Variants in CCDC192 observed in about 807,000 individuals in gnomAD.
CCDC192 encodes the protein coiled-coil domain containing 192, also known as coiled-coil domain-containing protein 192.
chr5:127,732,651 T>C (rs1752707538), intron 2 of CCDC192, among the ~76,000 whole-genome samples: 1 of 152,130 alleles, frequency 6.6e-6, no homozygotes, highest in African/African-American at 2.4e-5. Context: ...CACCATGGAG[T>C]ACTATGCAGT....
At position 127,892,921 on chromosome 5, in the gene CCDC192, G is replaced by C. The variant is rs949405818; in HGVS notation, c.535+17260G>C. On this transcript the variant is annotated intron_variant, in intron 6 of 6. Coordinates refer to ENST00000514853, the MANE Select transcript of CCDC192 (RefSeq NM_001317938.2). ...CATTGTCTCGAGTGACACAGAATTG[G>C]CAGTAATCCAAATACCGCAAGAGAC... 3.3e-5 allele frequency among the ~76,000 whole-genome samples: 5 copies of C among 152,114 alleles called. No homozygotes were observed. The South Asian group carries it at 1.0e-3, about 32-fold the overall frequency.
chr5:127,808,465 A>G (rs1053669686), intron 5 of CCDC192, among the ~76,000 whole-genome samples: 2 of 152,124 alleles, frequency 1.3e-5, no homozygotes, highest in African/African-American at 4.8e-5. Context: ...CTGTGGATTC[A>G]GTTACATAAT....
At chr5:127,781,543 C>A (rs2126933713) in intron 3 of CCDC192, among the ~76,000 whole-genome samples, 1 of 148,840 alleles carries the variant, frequency 6.7e-6, no homozygotes, top group Admixed American at 6.7e-5. Context: ...GCACGTCTTT[C>A]ACCTCCTTGG....
intron 5 of CCDC192, among the ~76,000 whole-genome samples, chr5:127,864,277 C>G (rs749631933): frequency 4.6e-5 from 7 of 152,212 alleles, no homozygotes; most frequent in Non-Finnish European, 8.8e-5. Context: ...TTTACATTCT[C>G]AGACTCTGGG....
intron 3 of CCDC192, among the ~76,000 whole-genome samples, chr5:127,779,532 T>C (rs980183937): frequency 1.3e-5 from 2 of 152,042 alleles, no homozygotes; most frequent in Admixed American, 6.6e-5. Flanking sequence ...CCTGACCCTG[T>C]GATCCACCCG....
intron 5 of CCDC192, among the ~76,000 whole-genome samples, chr5:127,801,751 T>C (rs1273184664): frequency 6.6e-6 from 1 of 152,178 alleles, no homozygotes; most frequent in African/African-American, 2.4e-5. Context: ...GTAAACATTG[T>C]AGACAAATTA....
chr5:127,918,884 T>G (rs1753608376), intron 6 of CCDC192, among the ~76,000 whole-genome samples: 1 of 152,098 alleles, frequency 6.6e-6, no homozygotes, highest in African/African-American at 2.4e-5. Context: ...TGTGTACATG[T>G]GCATGCATGT....
intron 6 of CCDC192, among the ~76,000 whole-genome samples, chr5:127,918,230 A>AAG (rs1460907956): frequency 1.3e-5 from 2 of 151,802 alleles, no homozygotes; most frequent in Admixed American, 1.3e-4. Flanking sequence ...AAAAAAAAAA[A>AAG]AAAAAGTAGT....
intron 6 of CCDC192, among the ~76,000 whole-genome samples, chr5:127,877,401 A>G (rs1289868049): frequency 6.6e-6 from 1 of 152,038 alleles, no homozygotes; most frequent in African/African-American, 2.4e-5. Context: ...GTATTTATGA[A>G]CAGATGCAAA....
chr5:127,834,611 G>A (rs1269522433), intron 5 of CCDC192, among the ~76,000 whole-genome samples: 1 of 152,162 alleles, frequency 6.6e-6, no homozygotes, highest in Non-Finnish European at 1.5e-5. Flanking sequence ...TTGCAGGCAA[G>A]AATTTCAAGT....
intron 3 of CCDC192, chr5:127,786,469 G>A (rs1756543229): frequency 3.2e-6 from 2 of 628,532 alleles, no homozygotes; most frequent in Admixed American, 4.9e-5. Context: ...TTGTATTGAT[G>A]GTTTCACCAT....
At chr5:127,849,975 A>G (rs1750724682) in intron 5 of CCDC192, among the ~76,000 whole-genome samples, 2 of 152,226 alleles carry the variant, frequency 1.3e-5, no homozygotes, top group South Asian at 4.1e-4. Flanking sequence ...ACAACAACAA[A>G]AGAAATAAAA....
At chr5:127,820,755 A>T (rs779221521) in intron 5 of CCDC192, among the ~76,000 whole-genome samples, 11 of 151,984 alleles carry the variant, frequency 7.2e-5, no homozygotes, top group Non-Finnish European at 1.5e-4. Flanking sequence ...CAAAAATGTG[A>T]TCTTCTCTAT....
At chr5:127,770,408 G>A (rs1297354331) in intron 3 of CCDC192, among the ~76,000 whole-genome samples, 1 of 152,216 alleles carries the variant, frequency 6.6e-6, no homozygotes, top group Non-Finnish European at 1.5e-5. Context: ...TATGGCCATG[G>A]AAGTAAAGGA....
intron 5 of CCDC192, 37 bp downstream of exon 5, chr5:127,798,199 T>C (rs1236141821): frequency 2.5e-6 from 1 of 397,974 alleles, no homozygotes; most frequent in African/African-American, 2.1e-5. Flanking sequence ...CCTTTATTTA[T>C]GTCATTGTTA....
intron 6 of CCDC192, among the ~76,000 whole-genome samples, chr5:127,881,812 C>T (rs573318442): frequency 6.6e-6 from 1 of 152,338 alleles, no homozygotes; most frequent in South Asian, 2.1e-4. Context: ...TCCATCATTT[C>T]CACACCTGAA....
intron 5 of CCDC192, among the ~76,000 whole-genome samples, chr5:127,804,706 C>T (rs368936190): frequency 4.6e-5 from 7 of 152,320 alleles, no homozygotes; most frequent in African/African-American, 1.7e-4. Context: ...GAAACATTAG[C>T]ATCACCTAGG....
At chr5:127,747,022 A>AG (rs1753791219) in intron 2 of CCDC192, among the ~76,000 whole-genome samples, 2 of 152,166 alleles carry the variant, frequency 1.3e-5, no homozygotes, top group South Asian at 4.1e-4. Context: ...AGGGAAAAAA[A>AG]TAAAGCAGAA....
At chr5:127,855,114 G>A (rs748862080) in intron 5 of CCDC192, among the ~76,000 whole-genome samples, 1 of 152,138 alleles carries the variant, frequency 6.6e-6, no homozygotes, top group African/African-American at 2.4e-5. Flanking sequence ...GGTGGTGGTG[G>A]TGGATGTTTG....
Sources: allele counts gnomAD v4.1 joint callset (sites outside exome capture counted in the v4.1 genomes callset), GRCh38; gene constraint gnomAD v4.1.1; transcripts MANE v1.5; gene names NCBI Gene and HGNC (gene_info 2026-07-23, HGNC 2026-07-21).